SNTB1: variants seen among roughly 807,000 people sequenced by gnomAD.
SNTB1 encodes beta-1-syntrophin.
SNTB1 carries 36 observed loss-of-function variants against 48.9 expected under a neutral mutation model. That is an observed-to-expected ratio of 0.74 (90% confidence interval 0.56 to 0.97). The LOEUF (loss-of-function observed/expected upper bound fraction) is 0.97, where lower values mean the gene tolerates loss of function less well. Among genes scored for constraint, SNTB1 ranks in the 50% least tolerant of loss-of-function variants. The pLI is 0.00. For missense variants in SNTB1, 786 were observed against 703.4 expected, an observed-to-expected ratio of 1.12 and a Z score of -1.33; for synonymous variants, 299 against 294.6, an observed-to-expected ratio of 1.01 and a Z score of -0.15.
At chr8:120,801,710 T>A (rs1820228592) in intron 1 of SNTB1, among the ~76,000 whole-genome samples, 1 of 152,138 alleles carries the variant, frequency 6.6e-6, no homozygotes, top group Non-Finnish European at 1.5e-5. Flanking sequence ...CATCTTAAAA[T>A]CCCTGGAGAC....
intron 2 of SNTB1, among the ~76,000 whole-genome samples, chr8:120,675,427 C>T (rs745974538): frequency 2.0e-5 from 3 of 152,038 alleles, no homozygotes; most frequent in Admixed American, 6.6e-5. Flanking sequence ...CTTAGTACAA[C>T]AAAAGTTTAT....
At position 120,541,879 on chromosome 8, in the gene SNTB1, C is replaced by A. The variant is rs1349484628; in HGVS notation, c.1455G>T (p.Lys485Asn). 3 of 1,613,958 alleles carry A rather than the reference C, an allele frequency of 1.9e-6. No individual in the cohort carries two copies. Among genetic ancestry groups the A allele is most frequent in the Non-Finnish European group, 1.7e-6 (2 of 1,179,914 alleles). The change falls in exon 6 of 7, where the codon AAG (lysine) becomes AAT (asparagine). Residue 485 changes from lysine to asparagine, a missense_variant. Coordinates refer to ENST00000517992, the MANE Select transcript of SNTB1 (RefSeq NM_021021.4). ...TTCCATCATCTGAAGACATTTTGAGCTTTTCATAAGGAGACTGTATGATGG... is the reference window on the plus strand; with the variant it reads ...TTCCATCATCTGAAGACATTTTGAGATTTTCATAAGGAGACTGTATGATGG... ...PKTIIQSPYE[K>N]LKMSSDDGIR... is the part of the protein sequence containing the mutation.
intron 2 of SNTB1, among the ~76,000 whole-genome samples, chr8:120,633,132 C>T (rs1458953688): frequency 2.6e-5 from 4 of 152,334 alleles, no homozygotes; most frequent in African/African-American, 7.2e-5. Context: ...CTTAATCCTG[C>T]TGCTCAGTGT....
intron 2 of SNTB1, among the ~76,000 whole-genome samples, chr8:120,678,805 C>A (rs1406449963): frequency 6.6e-6 from 1 of 151,734 alleles, no homozygotes; most frequent in Non-Finnish European, 1.5e-5. Flanking sequence ...TCATTATTTG[C>A]CACTCTTTGC....
intron 2 of SNTB1, among the ~76,000 whole-genome samples, chr8:120,666,291 G>C (rs900064835): frequency 5.9e-5 from 9 of 152,146 alleles, no homozygotes; most frequent in African/African-American, 2.2e-4. Context: ...TTGAGCATTT[G>C]TATGTCTGAG....
chr8:120,637,603 C>A, intron 2 of SNTB1: 1 of 235,136 alleles, frequency 4.3e-6, no homozygotes, highest in South Asian at 4.9e-5. Context: ...ATTCTGTAGT[C>A]TGCAGCTCCC....
intron 3 of SNTB1, among the ~76,000 whole-genome samples, chr8:120,578,777 C>T (rs1815990045): frequency 6.6e-6 from 1 of 152,136 alleles, no homozygotes; most frequent in Non-Finnish European, 1.5e-5. Flanking sequence ...ATGGAAGTGT[C>T]CTTAATCTGA....
chr8:120,767,738 T>C lies in SNTB1; in HGVS notation c.571+43535A>G, dbSNP rs1819550862. The stretch of plus-strand genomic sequence containing the variant: ...AAATGCAATCAGACACCTAAAGCCA[T>C]TGCAAGAGTGCCACAATCAAAAGTT... On this transcript the variant is annotated intron_variant, in intron 1 of 6. Transcript: ENST00000517992. Among the ~76,000 whole-genome samples, 3 of 152,214 alleles carry C rather than the reference T, an allele frequency of 2.0e-5. No homozygotes were observed. The South Asian group carries it at 6.2e-4, about 32-fold the overall frequency.
At chr8:120,791,487 T>C (rs970904817) in intron 1 of SNTB1, among the ~76,000 whole-genome samples, 15 of 151,952 alleles carry the variant, frequency 9.9e-5, no homozygotes, top group Admixed American at 9.2e-4. Context: ...AAAGAAATAC[T>C]CATCAGAGTA....
At chr8:120,554,699 A>G (rs1484530607) in intron 4 of SNTB1, among the ~76,000 whole-genome samples, 1 of 152,154 alleles carries the variant, frequency 6.6e-6, no homozygotes, top group Admixed American at 6.5e-5. Context: ...TCTAACACCT[A>G]ATGCCCGCAG....
chr8:120,653,606 T>C (rs533761455), intron 2 of SNTB1, among the ~76,000 whole-genome samples: 2 of 152,300 alleles, frequency 1.3e-5, no homozygotes, highest in Non-Finnish European at 1.5e-5. Context: ...ATCATGTAAC[T>C]ATCTTCCTGG....
chr8:120,560,739 G>A (rs1055129415), intron 4 of SNTB1, among the ~76,000 whole-genome samples: 3 of 152,158 alleles, frequency 2.0e-5, no homozygotes, highest in African/African-American at 7.2e-5. Context: ...GACCTGCCAC[G>A]ACCATCTGCC....
At chr8:120,707,045 G>T (rs1195463194) in intron 1 of SNTB1, among the ~76,000 whole-genome samples, 1 of 152,172 alleles carries the variant, frequency 6.6e-6, no homozygotes, top group Non-Finnish European at 1.5e-5. Context: ...TCAGAGTCTG[G>T]CAGACTAGAC....
At chr8:120,611,971 C>T (rs1302599847) in intron 3 of SNTB1, among the ~76,000 whole-genome samples, 1 of 152,040 alleles carries the variant, frequency 6.6e-6, no homozygotes, top group Non-Finnish European at 1.5e-5. Flanking sequence ...GATCGGCTCA[C>T]ATGTCTTCTC....
chr8:120,779,770 G>T (rs184161581), intron 1 of SNTB1, among the ~76,000 whole-genome samples: 27 of 152,270 alleles, frequency 1.8e-4, no homozygotes, highest in Non-Finnish European at 2.9e-5. Flanking sequence ...ACCTAGAAGG[G>T]AGTTTGACAG....
chr8:120,561,891 C>T (rs550627170), intron 4 of SNTB1, among the ~76,000 whole-genome samples: 3 of 152,296 alleles, frequency 2.0e-5, no homozygotes, highest in East Asian at 3.9e-4. Flanking sequence ...AACATTCCTA[C>T]CCCAAAGAGG....
intron 3 of SNTB1, among the ~76,000 whole-genome samples, chr8:120,595,399 C>A (rs1816306912): frequency 6.6e-6 from 1 of 152,100 alleles, no homozygotes; most frequent in Non-Finnish European, 1.5e-5. Flanking sequence ...ACACTCCCAC[C>A]AGCGCCATGA....
Position 120,795,677 on chromosome 8 carries a change from CAGG to C in SNTB1, c.571+15593_571+15595del, listed in dbSNP as rs1042037503. Reference sequence around the variant, plus strand: ...ACCACCAACTGGATGGCTTAGACAACAGGAGTTCATTGTCTCGCAGTTCTGAAG... The same window carrying C: ...ACCACCAACTGGATGGCTTAGACAACAGTTCATTGTCTCGCAGTTCTGAAG... On this transcript the variant is annotated intron_variant, in intron 1 of 6. Transcript: ENST00000517992. Among the ~76,000 whole-genome samples, 150 of 152,130 alleles carry C rather than the reference CAGG, an allele frequency of 9.9e-4. 1 individual carries two copies. The highest frequency in any genetic ancestry group is 3.4e-3 in the African/African-American group (143 of 41,526).
chr8:120,670,306 G>A (rs1014603161), intron 2 of SNTB1, among the ~76,000 whole-genome samples: 3 of 152,236 alleles, frequency 2.0e-5, no homozygotes, highest in African/African-American at 4.8e-5. Context: ...GGGCTTTGAA[G>A]TCAGAAAGGG....
Sources: gnomAD v4.1 joint callset for allele counts (sites outside exome capture counted in the v4.1 genomes callset) on GRCh38, gnomAD v4.1.1 for gene constraint, MANE v1.5 for transcripts, NCBI Gene and HGNC (gene_info 2026-07-23, HGNC 2026-07-21) for gene names.